The following ERICH1 variants were observed in gnomAD, a reference collection of about 807,000 sequenced individuals.
ERICH1 encodes glutamate rich 1.
A neutral mutation model predicts 39.6 loss-of-function variants in ERICH1; 56 were observed. That is an observed-to-expected ratio of 1.41 (90% CI 1.14 to 1.77). ERICH1 has a LOEUF of 1.77. Ranked by LOEUF, ERICH1 falls within the 40% of genes most tolerant of loss-of-function variation. ERICH1 has a pLI of 0.00. For synonymous variants in ERICH1, 313 were observed against 223.6 expected (o/e 1.40, Z -3.57); for missense variants, 826 against 575.4 (o/e 1.44, Z -4.45).
chr8:669,631 G>A (rs1381249785), intron 4 of ERICH1, among the ~76,000 whole-genome samples: 1 of 152,244 alleles, frequency 6.6e-6, no homozygotes, highest in Non-Finnish European at 1.5e-5. Flanking sequence ...CTGGTGAGAC[G>A]CCTTCCCTGT....
At chr8:705,216 G>A (rs1438928968) in intron 2 of ERICH1, among the ~76,000 whole-genome samples, 1 of 152,212 alleles carries the variant, frequency 6.6e-6, no homozygotes, top group Non-Finnish European at 1.5e-5. Context: ...GACGGATGTG[G>A]GCACTGTTCC....
intron 3 of ERICH1, among the ~76,000 whole-genome samples, chr8:677,838 C>G (rs1400369063): frequency 6.6e-6 from 1 of 152,130 alleles, no homozygotes; most frequent in Non-Finnish European, 1.5e-5. Flanking sequence ...CCCTCATCAC[C>G]CAGCAAGAAC....
At chr8:642,430 C>A (rs1485100674) in intron 3 of ERICH1, among the ~76,000 whole-genome samples, 1 of 145,660 alleles carries the variant, frequency 6.9e-6, no homozygotes, top group Non-Finnish European at 1.5e-5. Context: ...CTGCAAGCTC[C>A]TCCTCCTGGG....
At chr8:697,758 C>T (rs1409394085) in intron 2 of ERICH1, among the ~76,000 whole-genome samples, 1 of 152,040 alleles carries the variant, frequency 6.6e-6, no homozygotes, top group Non-Finnish European at 1.5e-5. Flanking sequence ...CAGCTGTCAG[C>T]ACAGCAGGTT....
At chr8:655,695 CCTTCCTTCCTT>C (rs1427182209) in intron 3 of ERICH1, among the ~76,000 whole-genome samples, 11 of 150,634 alleles carry the variant, frequency 7.3e-5, no homozygotes, top group African/African-American at 2.2e-4. Context: ...TTCCTTCCTT[CCTTCCTTCCTT>C]CTTTCCTTCC....
intron 2 of ERICH1, among the ~76,000 whole-genome samples, chr8:702,075 T>C (rs1160322732): frequency 4.6e-4 from 9 of 19,702 alleles, no homozygotes; most frequent in Non-Finnish European, 1.5e-4. Flanking sequence ...GGACTACATC[T>C]CAAAAAAAAA....
intron 4 of ERICH1, among the ~76,000 whole-genome samples, chr8:670,935 TC>T (rs1390935268): frequency 2.1e-5 from 3 of 142,344 alleles, no homozygotes; most frequent in Admixed American, 7.0e-5. Context: ...AGCCCACCGG[TC>T]CCCCAGGCTC....
At chr8:674,068 T>C (rs1374198714) in intron 3 of ERICH1, 21 bp from the exon 4 acceptor site, 32 of 1,516,606 alleles carry the variant, frequency 2.1e-5, no homozygotes, top group South Asian at 1.4e-4. Context: ...AATTCAAATA[T>C]AACAATTTTC....
chr8:684,406 C>G (rs1241144048), intron 3 of ERICH1, among the ~76,000 whole-genome samples: 1 of 151,926 alleles, frequency 6.6e-6, no homozygotes, highest in Non-Finnish European at 1.5e-5. Flanking sequence ...GTAAATGTAT[C>G]CACAAAAAAA....
rs1869074 is a variant in ERICH1 at position 715,858 on chromosome 8, C to T, written c.169+3G>A. On this transcript the variant is annotated splice_donor_region_variant and intron_variant, in intron 2 of 5. Coordinates refer to ENST00000262109, the MANE Select transcript of ERICH1 (RefSeq NM_207332.3). ...ACCCACCCACATCTGCAGACAAACT[C>T]ACCTGTCAAAGGCTCAGCATGTTTC... 0.21 allele frequency: 336,098 copies of T among 1,606,158 alleles called. 37,709 individuals carry two copies. Among genetic ancestry groups the T allele is most frequent in the Non-Finnish European group, 0.23 (272,492 of 1,177,016 alleles).
At chr8:658,600 G>T (rs1440375777) in intron 3 of ERICH1, among the ~76,000 whole-genome samples, 1 of 152,206 alleles carries the variant, frequency 6.6e-6, no homozygotes, top group East Asian at 1.9e-4. Flanking sequence ...GGCCCCCGAT[G>T]TGGCTGCATT....
intron 5 of ERICH1, chr8:667,528 G>A (rs1180191765): frequency 6.5e-6 from 1 of 153,124 alleles, no homozygotes; most frequent in Non-Finnish European, 1.5e-5. Flanking sequence ...AAGCGCCCCA[G>A]GGTGGGGTCC....
chr8:624,395 C>T (rs549323131), intron 3 of ERICH1, among the ~76,000 whole-genome samples: 24 of 152,360 alleles, frequency 1.6e-4, no homozygotes, highest in Non-Finnish European at 3.2e-4. Context: ...CCACACGAAC[C>T]TGCAGTTCTA....
At chr8:662,289 T>A (rs1388656007), downstream of ERICH1, among the ~76,000 whole-genome samples, 2 of 152,258 alleles carry the variant, frequency 1.3e-5, no homozygotes, top group East Asian at 3.8e-4. Flanking sequence ...ACGTTAAGAA[T>A]AGTAAAATTA....
rs774950553 is a variant in ERICH1 at position 715,898 on chromosome 8, A to G, written c.132T>C (p.Ser44=). 1 of 1,613,696 alleles carries G rather than the reference A, an allele frequency of 6.2e-7. No individual in the cohort carries two copies. The highest frequency in any genetic ancestry group is 8.5e-7 in the Non-Finnish European group (1 of 1,179,758). The stretch of plus-strand genomic sequence containing the variant: ...CAGCATGTTTCTGGCTCACTTTCTC[A>G]GAGGTCACTTTCTTTGGTGGATTTT... ...AVQNPPKKVT[S]EKVSQKHAEP... Residue 44 remains serine, a synonymous_variant, in exon 2 of 6, where the codon TCT becomes TCC. Coordinates refer to ENST00000262109, the MANE Select transcript of ERICH1 (RefSeq NM_207332.3).
rs1802676187 is a variant in ERICH1, at chr8:668,695, G to A, written c.1161C>T (p.Ser387=). ...ASHSMLPSDV[S]ILYHMKTLLL... is the part of the protein sequence containing the mutation. The stretch of plus-strand genomic sequence containing the variant: ...GCAGCGTTTTCATGTGGTACAGGAT[G>A]GACACGTCTGAGGGCAGCATGCTGT... The change falls in exon 5 of 6, where the codon TCC becomes TCT. Residue 387 remains serine, a synonymous_variant. Coordinates refer to ENST00000262109, the MANE Select transcript of ERICH1 (RefSeq NM_207332.3). The A allele has an allele frequency of 2.5e-6, 4 of 1,613,984 alleles. No homozygotes were observed. The highest frequency in any genetic ancestry group is 2.5e-6 in the Non-Finnish European group (3 of 1,180,040).
At chr8:632,188 A>C (rs1798083649) in intron 3 of ERICH1, among the ~76,000 whole-genome samples, 1 of 152,084 alleles carries the variant, frequency 6.6e-6, no homozygotes, top group Non-Finnish European at 1.5e-5. Flanking sequence ...TTGAATTTTG[A>C]TGTTGTAGTG....
At chr8:726,745 T>G (rs967202454) in intron 1 of ERICH1, among the ~76,000 whole-genome samples, 1 of 149,934 alleles carries the variant, frequency 6.7e-6, no homozygotes, top group African/African-American at 2.5e-5. Context: ...GATATGCATG[T>G]ACACGCACAC....
At chr8:636,298 G>A (rs1431993938) in intron 3 of ERICH1, among the ~76,000 whole-genome samples, 1 of 152,234 alleles carries the variant, frequency 6.6e-6, no homozygotes, top group Non-Finnish European at 1.5e-5. Context: ...CACGTCAACT[G>A]GGAACTAGGT....
Sources: gnomAD v4.1 joint callset for allele counts (sites outside exome capture counted in the v4.1 genomes callset) on GRCh38, gnomAD v4.1.1 for gene constraint, MANE v1.5 for transcripts, NCBI Gene and HGNC (gene_info 2026-07-23, HGNC 2026-07-21) for gene names.